The following HEATR1 variants were observed in gnomAD, a reference collection of about 807,000 sequenced individuals.
The protein encoded by HEATR1 is HEAT repeat-containing protein 1.
In HEATR1, 77 loss-of-function variants were observed where a neutral mutation model predicts 248.2. That is an observed-to-expected ratio of 0.31 (90% CI 0.26 to 0.37). The LOEUF (loss-of-function observed/expected upper bound fraction) is 0.37. Among genes scored for constraint, HEATR1 ranks in the 10% least tolerant of loss-of-function variants. The probability of loss-of-function intolerance (pLI) is 1.00; values close to 1 mark genes in which losing one functional copy is unlikely to be tolerated. For synonymous variants in HEATR1, 897 were observed against 923.1 expected (o/e 0.97, Z 0.51); for missense variants, 2,420 against 2,504.9 (o/e 0.97, Z 0.72).
intron 28 of HEATR1, 85 bp downstream of exon 28, chr1:236,571,266 A>C: frequency 6.8e-7 from 1 of 1,468,746 alleles, no homozygotes; most frequent in Non-Finnish European, 9.1e-7. Flanking sequence ...AATTGATTAA[A>C]TTTAAAATCA....
chr1:236,558,140 G>T, intron 36 of HEATR1, 97 bp downstream of exon 36: 1 of 1,284,944 alleles, frequency 7.8e-7, no homozygotes, highest in Non-Finnish European at 1.1e-6. Flanking sequence ...TTTATGCAAC[G>T]TCTACTCAGA....
At chr1:236,601,554 G>A (rs1664324503) in intron 3 of HEATR1, among the ~76,000 whole-genome samples, 1 of 152,138 alleles carries the variant, frequency 6.6e-6, no homozygotes, top group African/African-American at 2.4e-5. Flanking sequence ...TGTAACCCCA[G>A]CACTTTGGGA....
In HEATR1 at chr1:236,586,415, T is replaced by C. The variant is rs1663885638; in HGVS notation, c.1753A>G (p.Lys585Glu). The C allele has an allele frequency of 6.2e-7, 1 of 1,613,164 alleles. No individual in the cohort carries two copies. The change falls in exon 15 of 45, where the codon AAA becomes GAA. Residue 585 changes from lysine to glutamate, a missense_variant. By Grantham distance (56) the Lys-to-Glu change is moderately conservative. Transcript: ENST00000366582. ...TCATTTTCACTCAGTATCTCTTCTT[T>C]AATTAATATGTCAGCGGCTATCTTA... ...VLKIAADILI[K>E]EEILSENDQL...
At chr1:236,557,456 T>A in intron 36 of HEATR1, 111 bp from the exon 37 acceptor site, 2 of 1,124,196 alleles carry the variant, frequency 1.8e-6, no homozygotes, top group Non-Finnish European at 2.5e-6. Context: ...TACATCGCTA[T>A]CTGCTTCATA....
chr1:236,602,919 T>A (rs1191260990), intron 3 of HEATR1: 1 of 424,684 alleles, frequency 2.4e-6, no homozygotes, highest in Non-Finnish European at 4.3e-6. Flanking sequence ...CAAGACTCTA[T>A]CTCAAAAAAA....
chr1:236,602,392 G>C (rs1402085140), intron 3 of HEATR1, among the ~76,000 whole-genome samples: 1 of 152,222 alleles, frequency 6.6e-6, no homozygotes, highest in African/African-American at 2.4e-5. Context: ...AATCTCACCA[G>C]AGGAATGCTG....
At chr1:236,581,522 A>G in intron 19 of HEATR1, 108 bp from the exon 20 acceptor site, 1 of 765,790 alleles carries the variant, frequency 1.3e-6, no homozygotes, top group Non-Finnish European at 2.0e-6. Context: ...AATTTAAGGC[A>G]AAGTTTTGCT....
chr1:236,564,409 C>T (rs985801223), intron 32 of HEATR1, 89 bp downstream of exon 32: 1 of 1,136,530 alleles, frequency 8.8e-7, no homozygotes, highest in African/African-American at 1.6e-5. Flanking sequence ...TTTTCATGAG[C>T]CATTTACCAA....
At chr1:236,563,669 G>C (rs928316176) in intron 32 of HEATR1, among the ~76,000 whole-genome samples, 1 of 152,124 alleles carries the variant, frequency 6.6e-6, no homozygotes. Flanking sequence ...ACGCATTATA[G>C]GACCTAATGG....
At chr1:236,565,448 C>T (rs1663245088) in intron 31 of HEATR1, among the ~76,000 whole-genome samples, 1 of 152,190 alleles carries the variant, frequency 6.6e-6, no homozygotes. Flanking sequence ...ACCATCACAC[C>T]TGGCTTCATC....
rs766789281 is a variant in HEATR1 at position 236,603,315 on chromosome 1, C to T, written c.204G>A (p.Pro68=). Residue 68 remains proline (P), a synonymous_variant, in exon 3 of 45, where the codon CCG becomes CCA. Transcript: ENST00000366582. The part of the protein sequence containing the change: ...IDPSFEQFEA[P]LFSQLAKTLE... The stretch of plus-strand genomic sequence containing the variant: ...AGGTTTTTGCTAGCTGACTGAACAA[C>T]GGTGCTTCAAACTGCTCAAAGGAAG... 7 of 1,614,146 alleles carry T rather than the reference C, an allele frequency of 4.3e-6. No homozygotes were observed. In the Admixed American group the frequency reaches 1.0e-4, roughly 23 times the overall value.
intron 16 of HEATR1, among the ~76,000 whole-genome samples, 187 bp from the exon 17 acceptor site, chr1:236,585,403 C>T (rs903950991): frequency 2.6e-5 from 4 of 152,144 alleles, no homozygotes; most frequent in Non-Finnish European, 5.9e-5. Flanking sequence ...CTGTAATGAA[C>T]ATAATTGCAC....
At chr1:236,585,303 G>A in intron 16 of HEATR1, 87 bp from the exon 17 acceptor site, 1 of 1,065,280 alleles carries the variant, frequency 9.4e-7, no homozygotes, top group South Asian at 1.8e-5. Flanking sequence ...GGTATTATGT[G>A]TTTTACATTT....
At chr1:236,559,178 T>G in intron 34 of HEATR1, 43 bp from the exon 35 acceptor site, 1 of 1,347,466 alleles carries the variant, frequency 7.4e-7, no homozygotes, top group Non-Finnish European at 1.0e-6. Flanking sequence ...AAAAACAAAT[T>G]AAAAAAAAAA....
rs777776315 is a variant in HEATR1 at position 236,590,962 on chromosome 1, G to A, written c.1423-8C>T. ...ATCAGAATCTGCTAAAAACTACAGG[G>A]TTCAACATAGTTATCAAATGATTTC... On this transcript the variant is annotated splice_region_variant and splice_polypyrimidine_tract_variant and intron_variant, in intron 11 of 44. Coordinates refer to ENST00000366582, the MANE Select transcript of HEATR1 (RefSeq NM_018072.6). 3 of 1,304,070 alleles carry A rather than the reference G, an allele frequency of 2.3e-6. No homozygotes were observed. Among genetic ancestry groups the A allele is most frequent in the Middle Eastern group, 3.9e-4 (2 of 5,094 alleles). The allele number at this position is 1,304,070 out of a possible 1,614,324, so 80.8% of individuals were successfully genotyped here.
chr1:236,588,822 T>C (rs570284392), intron 12 of HEATR1, among the ~76,000 whole-genome samples: 55 of 152,210 alleles, frequency 3.6e-4, no homozygotes, highest in Middle Eastern at 3.4e-3. Context: ...TTCACAAAAA[T>C]TAAGTTAGTC....
In HEATR1 at chr1:236,568,984, A is replaced by C; in HGVS notation, c.4077+12T>G. ...AAAAAAGAAACCCCACGATGGTATA[A>C]AGAGACCTTACCTGAATAAGTGCGG... On this transcript the variant is annotated intron_variant, in intron 29 of 44. Coordinates refer to ENST00000366582, the MANE Select transcript of HEATR1 (RefSeq NM_018072.6). The C allele has an allele frequency of 6.5e-7, 1 of 1,544,610 alleles. No individual in the cohort carries two copies. The highest frequency in any genetic ancestry group is 8.7e-7 in the Non-Finnish European group (1 of 1,151,390).
intron 9 of HEATR1, among the ~76,000 whole-genome samples, chr1:236,593,306 T>A (rs551995291): frequency 6.6e-6 from 1 of 152,190 alleles, no homozygotes; most frequent in South Asian, 2.1e-4. Context: ...AGAGTGGGGT[T>A]TCACATTTTA....
chr1:236,557,378 G>A (rs1345564867), intron 36 of HEATR1, 33 bp from the exon 37 acceptor site: 51 of 1,609,032 alleles, frequency 3.2e-5, no homozygotes, highest in Middle Eastern at 1.7e-4. Context: ...AGAAGAACTT[G>A]AAGCAGAAAC....
Sources: gnomAD v4.1 joint callset for allele counts (sites outside exome capture counted in the v4.1 genomes callset) on GRCh38, gnomAD v4.1.1 for gene constraint, MANE v1.5 for transcripts, NCBI Gene and HGNC (gene_info 2026-07-23, HGNC 2026-07-21) for gene names.